AK8: variants seen among roughly 807,000 people sequenced by gnomAD.
AK8 encodes ATP-AMP transphosphorylase 8.
A neutral mutation model predicts 54.6 loss-of-function variants in AK8; 44 were observed. That is an observed-to-expected ratio of 0.81 (90% CI 0.63 to 1.04). The LOEUF is 1.04. AK8 is among the 50% of genes least tolerant of loss of function. The pLI, the probability that AK8 is intolerant of heterozygous loss-of-function variation, is 0.00. For synonymous variants in AK8, 239 were observed against 245.6 expected (o/e 0.97, Z 0.25); for missense variants, 555 against 613.6 (o/e 0.90, Z 1.01).
chr9:132,775,207 C>A (rs7039713), intron 11 of AK8, among the ~76,000 whole-genome samples: 30,736 of 152,044 alleles, frequency 0.2, 3,399 homozygotes, highest in African/African-American at 0.28. Context: ...GACTGGGGGG[C>A]TCTTAGAAAG....
At chr9:132,878,795 C>T, upstream of AK8, 6 of 984,998 alleles carry the variant, frequency 6.1e-6, no homozygotes, top group Non-Finnish European at 7.2e-6. The surrounding 1 kb of genome is among the most constrained non-coding windows in gnomAD (Gnocchi z 4.7). Flanking sequence ...CCTCCCAGCT[C>T]CCCGGCTCTG....
Position 132,796,619 on chromosome 9 carries a change from A to G in AK8, c.980-3844T>C, listed in dbSNP as rs190558234. Among the ~76,000 whole-genome samples, 14 of 152,312 alleles carry G rather than the reference A, an allele frequency of 9.2e-5. No individual in the cohort carries two copies. In the East Asian group the frequency reaches 1.3e-3, roughly 15 times the overall value. ...AGACAACCTTTTAAAAACAATCTCT[A>G]TATTAACTTGCAAAGTTAATATAGA... On this transcript the variant is annotated intron_variant, in intron 10 of 12. Coordinates refer to ENST00000298545, the MANE Select transcript of AK8 (RefSeq NM_152572.3).
chr9:132,797,255 C>T (rs982215644), intron 10 of AK8, among the ~76,000 whole-genome samples: 1 of 151,804 alleles, frequency 6.6e-6, no homozygotes, highest in Non-Finnish European at 1.5e-5. Flanking sequence ...TACCCCAGCA[C>T]CTGGCACAGT....
At chr9:132,821,139 AC>A in intron 9 of AK8, among the ~76,000 whole-genome samples, 2 of 151,494 alleles carry the variant, frequency 1.3e-5, no homozygotes, top group Middle Eastern at 6.8e-3. Flanking sequence ...AAAAAAAAAA[AC>A]CTTTTATTGA....
intron 11 of AK8, among the ~76,000 whole-genome samples, chr9:132,737,331 A>G (rs1274109322): frequency 6.6e-6 from 1 of 152,230 alleles, no homozygotes; most frequent in African/African-American, 2.4e-5. Context: ...TACACAAACT[A>G]TAATGCAAAT....
intron 9 of AK8, among the ~76,000 whole-genome samples, chr9:132,820,003 A>G (rs1006098922): frequency 6.6e-6 from 1 of 152,012 alleles, no homozygotes; most frequent in African/African-American, 2.4e-5. Flanking sequence ...TTACAAAAAA[A>G]AATTAGCTGA....
At chr9:132,875,304 C>G in intron 1 of AK8, 105 bp from the exon 2 acceptor site, 1 of 1,516,656 alleles carries the variant, frequency 6.6e-7, no homozygotes, top group Non-Finnish European at 8.9e-7. Flanking sequence ...CCCCACCAAA[C>G]ATGCCTTCAA....
intron 11 of AK8, among the ~76,000 whole-genome samples, chr9:132,764,599 AC>A (rs1482119567): frequency 6.6e-6 from 1 of 152,202 alleles, no homozygotes; most frequent in Non-Finnish European, 1.5e-5. Context: ...CATACAACCT[AC>A]CAAGATAGAA....
intron 11 of AK8, among the ~76,000 whole-genome samples, chr9:132,755,671 G>A (rs756540903): frequency 2.0e-5 from 3 of 152,132 alleles, no homozygotes; most frequent in Non-Finnish European, 2.9e-5. Flanking sequence ...CCCAGTAGCC[G>A]TTGCATTATA....
intron 11 of AK8, among the ~76,000 whole-genome samples, chr9:132,754,942 G>A (rs1219376268): frequency 1.3e-5 from 2 of 151,998 alleles, no homozygotes; most frequent in Admixed American, 6.6e-5. Context: ...TGGGATTACA[G>A]GCATGTGCCA....
chr9:132,860,705 G>C lies in AK8; in HGVS notation c.333+2960C>G, dbSNP rs1564443952. Reference sequence around the variant, plus strand: ...GCCATTTGGGATAGGTGGCTATAGGGATGACTTAGTTCAGCTTCCTGGACT... The same window carrying C: ...GCCATTTGGGATAGGTGGCTATAGGCATGACTTAGTTCAGCTTCCTGGACT... On this transcript the variant is annotated intron_variant, in intron 4 of 12. Coordinates refer to ENST00000298545, the MANE Select transcript of AK8 (RefSeq NM_152572.3). The surrounding 1 kb of genome is among the most constrained non-coding windows in gnomAD (Gnocchi z 4.4). Among the ~76,000 whole-genome samples the C allele has an allele frequency of 1.3e-5, 2 of 152,226 alleles. No homozygotes were observed. Among genetic ancestry groups the C allele is most frequent in the Non-Finnish European group, 2.9e-5 (2 of 68,040 alleles).
Position 132,814,907 on chromosome 9 carries a change from G to A in AK8, c.890-180C>T, listed in dbSNP as rs438369. Among the ~76,000 whole-genome samples, 54,607 of 152,112 alleles carry A rather than the reference G, an allele frequency of 0.36. 11,845 individuals are homozygous for A. Among genetic ancestry groups the A allele is most frequent in the South Asian group, 0.57 (2,754 of 4,826 alleles). On this transcript the variant is annotated intron_variant, in intron 9 of 12. Coordinates refer to ENST00000298545, the MANE Select transcript of AK8 (RefSeq NM_152572.3). Reference sequence around the variant, plus strand: ...TAAAAGTAAATATCAAAAAGGAGCCGGGAAATAAATAAAAGAGAGAGGTGG... The same window carrying A: ...TAAAAGTAAATATCAAAAAGGAGCCAGGAAATAAATAAAAGAGAGAGGTGG...
chr9:132,838,630 T>C (rs1250315357), intron 5 of AK8, among the ~76,000 whole-genome samples: 3 of 152,220 alleles, frequency 2.0e-5, no homozygotes, highest in Non-Finnish European at 2.9e-5. Context: ...ACCTGATGCA[T>C]TTCTAGAAGG....
intron 10 of AK8, among the ~76,000 whole-genome samples, chr9:132,809,436 C>T (rs1840890151): frequency 6.6e-6 from 1 of 152,104 alleles, no homozygotes; most frequent in Non-Finnish European, 1.5e-5. Context: ...CACGACAGGC[C>T]AAGTCCCTCC....
intron 12 of AK8, among the ~76,000 whole-genome samples, chr9:132,726,749 G>A (rs557707242): frequency 7.7e-4 from 117 of 152,256 alleles, no homozygotes; most frequent in Admixed American, 6.8e-3. Context: ...TACTACAGCC[G>A]TTCACTGTTG....
At position 132,791,263 on chromosome 9, in the gene AK8, TA is replaced by T. The variant is rs1472571909; in HGVS notation, c.1121+1370del. Among the ~76,000 whole-genome samples, 6 of 152,220 alleles carry T rather than the reference TA, an allele frequency of 3.9e-5. No homozygotes were observed. In the East Asian group the frequency reaches 1.2e-3, roughly 29 times the overall value. The stretch of plus-strand genomic sequence containing the variant: ...GAGCAAAGGGGGAGGTGCCACACTT[TA>T]AAACCATCAGATCTCGTGAGAACTC... On this transcript the variant is annotated intron_variant, in intron 11 of 12. Coordinates refer to ENST00000298545, the MANE Select transcript of AK8 (RefSeq NM_152572.3). This position sits in a 1 kb window ranked among gnomAD's most constrained non-coding sequence, Gnocchi z 4.0.
chr9:132,872,301 A>G (rs541357539), intron 2 of AK8, among the ~76,000 whole-genome samples: 1 of 152,274 alleles, frequency 6.6e-6, no homozygotes, highest in South Asian at 2.1e-4. Context: ...TCCCCACTGC[A>G]CTCCAGCCTG....
rs1461043106 is a variant in AK8 at position 132,866,927 on chromosome 9, G to T, written c.196C>A (p.Pro66Thr). 1 of 1,614,088 alleles carries T rather than the reference G, an allele frequency of 6.2e-7. No individual in the cohort carries two copies. The highest frequency in any genetic ancestry group is 2.2e-5 in the East Asian group (1 of 44,886). The change falls in exon 3 of 13, where the codon CCC (proline) becomes ACC (threonine). Residue 66 changes from proline to threonine, a missense_variant. Transcript: ENST00000298545. ...NVPRIVILGP[P>T]ASGKTTIAMW... The stretch of plus-strand genomic sequence containing the variant: ...ACTATTGTTGTTTTCCCTGAGGCGG[G>T]TGGACCTAATATTACAATCCTGGGC...
chr9:132,752,485 G>A (rs1837981240), intron 11 of AK8, among the ~76,000 whole-genome samples: 1 of 152,102 alleles, frequency 6.6e-6, no homozygotes, highest in South Asian at 2.1e-4. Flanking sequence ...TCCTGACCTC[G>A]TGATCTGCCC....
Sources: allele counts gnomAD v4.1 joint callset (sites outside exome capture counted in the v4.1 genomes callset), GRCh38; gene constraint gnomAD v4.1.1; non-coding constraint Gnocchi (gnomAD v3.1); transcripts MANE v1.5; gene names NCBI Gene and HGNC (gene_info 2026-07-23, HGNC 2026-07-21).